THADA: variants seen among roughly 807,000 people sequenced by gnomAD.
The protein encoded by THADA is THADA armadillo repeat containing.
A neutral mutation model predicts 219.8 loss-of-function variants in THADA; 213 were observed. The ratio of observed to expected loss-of-function variants is 0.97; its 90% CI spans 0.87 to 1.09. The LOEUF (loss-of-function observed/expected upper bound fraction) is 1.09. Ranked by LOEUF, THADA falls within the 50% of genes least tolerant of loss-of-function variation. The pLI is 0.00. For synonymous variants in THADA, 1,018 were observed against 828.9 expected (o/e 1.23, Z -3.92); for missense variants, 2,956 against 2,311.3 (o/e 1.28, Z -5.72).
At chr2:43,355,895 T>C (rs563901059) in intron 29 of THADA, among the ~76,000 whole-genome samples, 1 of 152,162 alleles carries the variant, frequency 6.6e-6, no homozygotes, top group African/African-American at 2.4e-5. Flanking sequence ...ATATTATTTG[T>C]GTATATCTAA....
intron 26 of THADA, among the ~76,000 whole-genome samples, chr2:43,432,079 A>G (rs1679420609): frequency 8.2e-6 from 1 of 121,602 alleles, no homozygotes; most frequent in African/African-American, 3.7e-5. Flanking sequence ...GATGGTCTCG[A>G]TCTCCTGACC....
At chr2:43,368,392 T>C (rs1670411671) in intron 29 of THADA, among the ~76,000 whole-genome samples, 1 of 152,108 alleles carries the variant, frequency 6.6e-6, no homozygotes, top group African/African-American at 2.4e-5. Flanking sequence ...CTTCATCATC[T>C]CCACTCCATA....
intron 29 of THADA, among the ~76,000 whole-genome samples, chr2:43,381,405 G>T (rs949647897): frequency 6.6e-6 from 1 of 152,052 alleles, no homozygotes; most frequent in Admixed American, 6.6e-5. Flanking sequence ...CCAGCCTCAG[G>T]AGGTGAAGCT....
intron 31 of THADA, among the ~76,000 whole-genome samples, chr2:43,304,949 G>A (rs1304046188): frequency 6.6e-6 from 1 of 152,170 alleles, no homozygotes; most frequent in Non-Finnish European, 1.5e-5. Context: ...TGGGATTACA[G>A]GCATGAGCCA....
chr2:43,482,965 G>A (rs958972063), intron 26 of THADA, among the ~76,000 whole-genome samples: 2 of 152,150 alleles, frequency 1.3e-5, no homozygotes, highest in African/African-American at 4.8e-5. Context: ...GGATAAGGGG[G>A]CCTATTAAGG....
chr2:43,515,207 AATATATAATATATT>A lies in THADA; in HGVS notation c.3375-6441_3375-6428del, dbSNP rs1691416458. 5.6e-4 allele frequency among the ~76,000 whole-genome samples: 6 copies of A among 10,714 alleles called. No individual in the cohort carries two copies. The South Asian group carries it at 8.2e-3, about 15-fold the overall frequency. The allele number at this position is 10,714 out of a possible 152,430, so 7.0% of individuals were successfully genotyped here. On this transcript the variant is annotated intron_variant, in intron 22 of 37. Transcript: ENST00000405975. ...ATATAATATATTATATATAATATAT[AATATATAATATATT>A]ATATATAATATATAATATATAATAT...
chr2:43,267,914 C>T (rs1006467166), intron 36 of THADA, among the ~76,000 whole-genome samples: 5 of 152,180 alleles, frequency 3.3e-5, no homozygotes, highest in Admixed American at 6.5e-5. Flanking sequence ...CCAGAAAATA[C>T]TTCAGAAAGT....
At chr2:43,341,880 C>T (rs954803988) in intron 30 of THADA, among the ~76,000 whole-genome samples, 2 of 152,132 alleles carry the variant, frequency 1.3e-5, no homozygotes, top group Non-Finnish European at 2.9e-5. Context: ...TGGGTAAACA[C>T]TTCATGGGTA....
intron 31 of THADA, among the ~76,000 whole-genome samples, chr2:43,296,875 G>A (rs953234602): frequency 2.1e-4 from 32 of 151,502 alleles, no homozygotes; most frequent in Admixed American, 4.6e-4. Context: ...AGGAGCGGAC[G>A]GGCCCCGCGG....
chr2:43,580,422 T>C (rs79388962), intron 8 of THADA, among the ~76,000 whole-genome samples: 14,805 of 152,186 alleles, frequency 0.097, 809 homozygotes, highest in South Asian at 0.15. Context: ...AGTCCTCTTT[T>C]AAAAAGTAAA....
rs1572938331 is a variant in THADA at position 43,291,690 on chromosome 2, C to A, written c.5010+6G>T. The A allele has an allele frequency of 1.3e-6, 2 of 1,544,916 alleles. No individual in the cohort carries two copies. The highest frequency in any genetic ancestry group is 2.0e-5 in the Admixed American group (1 of 49,732). On this transcript the variant is annotated splice_donor_region_variant and intron_variant, in intron 34 of 37. Transcript: ENST00000405975. ...GGTCCCGGAACAAGATCAGAACCAGCCTTACCTCCACACATGTCTGCATGT... is the reference window on the plus strand; with the variant it reads ...GGTCCCGGAACAAGATCAGAACCAGACTTACCTCCACACATGTCTGCATGT...
At chr2:43,304,122 G>C (rs1327177831) in intron 31 of THADA, among the ~76,000 whole-genome samples, 1 of 152,146 alleles carries the variant, frequency 6.6e-6, no homozygotes, top group African/African-American at 2.4e-5. Context: ...CTAGTGCTCA[G>C]AGAGCTCCTG....
At chr2:43,521,641 C>T (rs1001466904) in intron 22 of THADA, among the ~76,000 whole-genome samples, 4 of 152,220 alleles carry the variant, frequency 2.6e-5, no homozygotes, top group African/African-American at 9.6e-5. Context: ...CAGAAGTGAA[C>T]AGGCCAGGCT....
chr2:43,330,191 T>C (rs926295048), intron 30 of THADA, among the ~76,000 whole-genome samples: 7 of 152,192 alleles, frequency 4.6e-5, no homozygotes, highest in African/African-American at 1.4e-4. Context: ...TAGATGTGAC[T>C]CTCCTTGTGG....
chr2:43,571,816 G>A lies in THADA; in HGVS notation c.1955C>T (p.Thr652Ile). The A allele has an allele frequency of 1.2e-6, 2 of 1,613,882 alleles. No individual in the cohort carries two copies. Among genetic ancestry groups the A allele is most frequent in the Non-Finnish European group, 1.7e-6 (2 of 1,179,842 alleles). Residue 652 changes from threonine to isoleucine, a missense_variant, in exon 13 of 38, where the codon ACA (threonine) becomes ATA (isoleucine). Coordinates refer to ENST00000405975, the MANE Select transcript of THADA (RefSeq NM_022065.5). ...CATTTCTTCCATGGAAACAATTTCT[G>A]TGCTCCGATTACTTTCACAAAGCAA... ...LGLLCESNRS[T>I]EIVSMEEMQW...
chr2:43,368,441 G>C (rs940096269), intron 29 of THADA, among the ~76,000 whole-genome samples: 1 of 152,094 alleles, frequency 6.6e-6, no homozygotes, highest in Non-Finnish European at 1.5e-5. Flanking sequence ...CTGTCGCCCG[G>C]GCTGGAGTGC....
chr2:43,321,703 T>C (rs575993669), intron 30 of THADA, among the ~76,000 whole-genome samples: 22 of 152,308 alleles, frequency 1.4e-4, no homozygotes, highest in Non-Finnish European at 4.4e-5. Context: ...GTTACAGCAA[T>C]AGAAAATGGA....
At chr2:43,546,388 G>A (rs1178389961) in intron 20 of THADA, among the ~76,000 whole-genome samples, 3 of 152,118 alleles carry the variant, frequency 2.0e-5, no homozygotes, top group African/African-American at 7.2e-5. Context: ...TATTAGGTCC[G>A]CTTGGTGCAG....
At chr2:43,289,533 C>T (rs995883757) in intron 34 of THADA, among the ~76,000 whole-genome samples, 2 of 152,324 alleles carry the variant, frequency 1.3e-5, no homozygotes, top group Non-Finnish European at 2.9e-5. Flanking sequence ...TTAAATATCA[C>T]TTTATTCATG....
Sources: gnomAD v4.1 joint callset for allele counts (sites outside exome capture counted in the v4.1 genomes callset) on GRCh38, gnomAD v4.1.1 for gene constraint, MANE v1.5 for transcripts, NCBI Gene and HGNC (gene_info 2026-07-23, HGNC 2026-07-21) for gene names.